The following PHYKPL variants were observed in gnomAD, a reference collection of about 807,000 sequenced individuals.
The protein encoded by PHYKPL is 5-phosphohydroxy-L-lysine phospho-lyase.
PHYKPL carries 42 observed loss-of-function variants against 51.3 expected under a neutral mutation model. The observed-to-expected ratio is 0.82, with a 90% CI of 0.64 to 1.06. The LOEUF is 1.06. Ranked by LOEUF, PHYKPL falls within the 50% of genes least tolerant of loss-of-function variation. The pLI, the probability that PHYKPL is intolerant of heterozygous loss-of-function variation, is 0.00. For synonymous variants in PHYKPL, 264 were observed against 236.0 expected, an observed-to-expected ratio of 1.12 and a Z score of -1.09; for missense variants, 655 against 586.6, an observed-to-expected ratio of 1.12 and a Z score of -1.20.
intron 12 of PHYKPL, among the ~76,000 whole-genome samples, chr5:178,209,720 G>A (rs1757600037): frequency 6.6e-6 from 1 of 152,138 alleles, no homozygotes; most frequent in South Asian, 2.1e-4. Flanking sequence ...TTGGCTTTGT[G>A]GATGTCCTGA....
chr5:178,211,865 A>G, intron 12 of PHYKPL, 25 bp downstream of exon 12: 1 of 1,547,810 alleles, frequency 6.5e-7, no homozygotes, highest in Non-Finnish European at 8.9e-7. Flanking sequence ...TGCATCTTCA[A>G]GAGTAAGAAG....
intron 3 of PHYKPL, among the ~76,000 whole-genome samples, chr5:178,227,144 TAA>T (rs1420019695): frequency 1.3e-5 from 2 of 151,392 alleles, no homozygotes; most frequent in Non-Finnish European, 2.9e-5. Context: ...GATATGGAGA[TAA>T]GAGAGGTGAT....
rs770954697 is a variant in PHYKPL, at chr5:178,224,632, C to T, written c.501+10G>A. The T allele has an allele frequency of 6.8e-6, 11 of 1,614,222 alleles. No individual in the cohort carries two copies. The highest frequency in any genetic ancestry group is 8.5e-6 in the Non-Finnish European group (10 of 1,180,036). ...GGCACCGACCTGTTGTTGAGTTGGG[C>T]AGTGCATACCACGTGGACCCACTCC... On this transcript the variant is annotated intron_variant, in intron 5 of 12. Coordinates refer to ENST00000308158, the MANE Select transcript of PHYKPL (RefSeq NM_153373.4).
chr5:178,224,098 G>C (rs1322255276), intron 6 of PHYKPL, among the ~76,000 whole-genome samples: 1 of 152,204 alleles, frequency 6.6e-6, no homozygotes, highest in Non-Finnish European at 1.5e-5. Flanking sequence ...TCCAGGATCA[G>C]CTCCTGGCCA....
chr5:178,211,853 T>C, intron 12 of PHYKPL, 37 bp downstream of exon 12: 1 of 1,481,534 alleles, frequency 6.7e-7, no homozygotes, highest in Non-Finnish European at 9.4e-7. Flanking sequence ...AGGAACCCGC[T>C]GTGCATCTTC....
At chr5:178,212,315 T>C (rs1322255783) in intron 11 of PHYKPL, among the ~76,000 whole-genome samples, 3 of 152,246 alleles carry the variant, frequency 2.0e-5, no homozygotes, top group African/African-American at 7.2e-5. Context: ...TAAGCATACC[T>C]GTGGGTAGCA....
chr5:178,227,232 CAAAG>C (rs1762481581), intron 3 of PHYKPL, among the ~76,000 whole-genome samples: 1 of 152,186 alleles, frequency 6.6e-6, no homozygotes, highest in Non-Finnish European at 1.5e-5. Flanking sequence ...TCTGGACACA[CAAAG>C]AGACACCAGG....
rs564163483 is a variant in PHYKPL at position 178,209,256 on chromosome 5, G to A, written c.*32-341C>T. The A allele has an allele frequency of 6.0e-5, 67 of 1,124,082 alleles. No individual in the cohort carries two copies. The African/African-American group carries it at 7.8e-4, about 13-fold the overall frequency. 69.6% of individuals were successfully genotyped at this position (1,124,082 alleles called of 1,614,324 possible). On this transcript the variant is annotated intron_variant, in intron 12 of 12. Transcript: ENST00000308158. ...CCTGATCCACCATTTGATGTTTGTC[G>A]CAGTGAAGGTGTTTGGGCAGTCACT...
At chr5:178,209,080 C>T (rs903893711) in intron 12 of PHYKPL, among the ~76,000 whole-genome samples, 165 bp from the exon 13 acceptor site, 3 of 152,192 alleles carry the variant, frequency 2.0e-5, no homozygotes, top group East Asian at 3.8e-4. Flanking sequence ...CCATTAGATA[C>T]GGAGTTGCTC....
chr5:178,230,180 C>T (rs1030876858), intron 2 of PHYKPL, 81 bp from the exon 3 acceptor site: 1 of 1,556,394 alleles, frequency 6.4e-7, no homozygotes, highest in South Asian at 1.1e-5. Context: ...AAGCTATAAA[C>T]CCAGCCAGAA....
chr5:178,207,194 A>T, downstream of PHYKPL: 1 of 1,614,180 alleles, frequency 6.2e-7, no homozygotes, highest in Non-Finnish European at 8.5e-7. Context: ...AAGGTTCTGG[A>T]GAAAAAGTTC....
chr5:178,225,306 G>T, intron 4 of PHYKPL, 49 bp downstream of exon 4: 1 of 1,604,452 alleles, frequency 6.2e-7, no homozygotes, highest in Non-Finnish European at 8.5e-7. Context: ...TCACCAAGAA[G>T]CCTGTGGGCC....
In PHYKPL at chr5:178,228,732, C is replaced by G. The variant is rs1202579212; in HGVS notation, c.338+1208G>C. ...GTTGGAATGTTCTCTCCCAGATACA[C>G]TGTAATCGCCTGCCTGTTTGTCTCC... On this transcript the variant is annotated intron_variant, in intron 3 of 12. Transcript: ENST00000308158. 6.2e-6 allele frequency: 4 copies of G among 646,100 alleles called. No individual in the cohort carries two copies. The East Asian group carries it at 1.1e-4, about 18-fold the overall frequency. The allele number at this position is 646,100 out of a possible 1,614,324, so 40.0% of individuals were successfully genotyped here.
At position 178,208,681 on chromosome 5, in the gene PHYKPL, A is replaced by T. The variant is rs550940268; in HGVS notation, c.*266T>A. 6.6e-6 allele frequency: 1 copy of T among 152,384 alleles called. No individual in the cohort carries two copies. The highest frequency in any genetic ancestry group is 2.1e-4 in the South Asian group (1 of 4,830). The allele number at this position is 152,384 out of a possible 1,614,324, so 9.4% of individuals were successfully genotyped here. A position where few individuals can be genotyped will look rare whatever the true frequency, so the allele number is the denominator to read the frequency against. On this transcript the variant is annotated 3_prime_UTR_variant, in exon 13 of 13. Transcript: ENST00000308158. Reference sequence around the variant, plus strand: ...ATTTATTTAAGCAGGAGCACTTTAAAGTATCCCACCCTACCCCATTCCACC... The same window carrying T: ...ATTTATTTAAGCAGGAGCACTTTAATGTATCCCACCCTACCCCATTCCACC...
At chr5:178,231,599 C>T (rs756733998) in intron 1 of PHYKPL, 76 bp from the exon 2 acceptor site, 2 of 1,605,990 alleles carry the variant, frequency 1.2e-6, no homozygotes, top group Non-Finnish European at 1.7e-6. Context: ...CAGACCCCCG[C>T]CCACCCCTTC....
intron 11 of PHYKPL, among the ~76,000 whole-genome samples, 180 bp downstream of exon 11, chr5:178,212,793 C>A (rs1304102220): frequency 6.6e-6 from 1 of 152,226 alleles, no homozygotes; most frequent in Non-Finnish European, 1.5e-5. Context: ...CTCTTAGGTA[C>A]AGGCAGGAAT....
At chr5:178,215,553 A>G in intron 8 of PHYKPL, 123 bp from the exon 9 acceptor site, 1 of 1,198,512 alleles carries the variant, frequency 8.3e-7, no homozygotes, top group Non-Finnish European at 1.1e-6. Flanking sequence ...GAGGCCCCAA[A>G]CCCCTTAGGG....
intron 3 of PHYKPL, 186 bp downstream of exon 3, chr5:178,229,754 G>T: frequency 1.6e-6 from 1 of 619,276 alleles, no homozygotes. Context: ...TTCAATAAGA[G>T]ACAAGGAAAC....
chr5:178,225,791 CAAGCAA>C (rs1762167496), intron 3 of PHYKPL: 1 of 281,318 alleles, frequency 3.6e-6, no homozygotes, highest in Non-Finnish European at 7.1e-6. Context: ...CACCACCAGG[CAAGCAA>C]TCAGTTCTGC....
Sources: gnomAD v4.1 joint callset for allele counts (sites outside exome capture counted in the v4.1 genomes callset) on GRCh38, gnomAD v4.1.1 for gene constraint, MANE v1.5 for transcripts, NCBI Gene and HGNC (gene_info 2026-07-23, HGNC 2026-07-21) for gene names.